DLGAP2: variants seen among roughly 807,000 people sequenced by gnomAD.
The protein encoded by DLGAP2 is disks large-associated protein 2.
DLGAP2 carries 26 observed loss-of-function variants against 100.3 expected under a neutral mutation model. The ratio of observed to expected loss-of-function variants is 0.26; its 90% CI spans 0.19 to 0.36. The LOEUF (loss-of-function observed/expected upper bound fraction) is 0.36, where lower values mean the gene tolerates loss of function less well. DLGAP2 is among the 10% of genes least tolerant of loss of function. The pLI, the probability that DLGAP2 is intolerant of heterozygous loss-of-function variation, is 1.00. For missense variants in DLGAP2, 1,858 were observed against 1,453.2 expected (o/e 1.28, Z -4.53); for synonymous variants, 886 against 630.1 (o/e 1.41, Z -6.08).
At chr8:1,054,658 A>G (rs977633506) in intron 2 of DLGAP2, among the ~76,000 whole-genome samples, 64 of 152,316 alleles carry the variant, frequency 4.2e-4, no homozygotes, top group African/African-American at 1.4e-3. Context: ...ATAACAATTG[A>G]CTGCTTAATT....
intron 2 of DLGAP2, among the ~76,000 whole-genome samples, chr8:1,187,661 C>T (rs1182908691): frequency 5.7e-5 from 8 of 141,250 alleles, no homozygotes; most frequent in African/African-American, 1.0e-4. Flanking sequence ...CTCACGTGCC[C>T]GGGACCTCTG....
At chr8:1,420,616 G>C (rs1166747117) in intron 3 of DLGAP2, among the ~76,000 whole-genome samples, 2 of 152,142 alleles carry the variant, frequency 1.3e-5, no homozygotes, top group East Asian at 3.9e-4. Context: ...CAAAGCCTGT[G>C]GGTCAAGGTT....
At chr8:1,377,327 G>A (rs185251223) in intron 3 of DLGAP2, among the ~76,000 whole-genome samples, 163 of 152,310 alleles carry the variant, frequency 1.1e-3, no homozygotes, top group Non-Finnish European at 1.2e-3. Context: ...GGCGAATCAC[G>A]AAGTCAGGAG....
chr8:1,656,023 G>T lies in DLGAP2; in HGVS notation c.1811-12306G>T, dbSNP rs2472094. 2.7e-4 allele frequency among the ~76,000 whole-genome samples: 41 copies of T among 152,336 alleles called. 1 individual carries two copies. The East Asian group carries it at 6.4e-3, about 24-fold the overall frequency. Reference sequence around the variant, plus strand: ...AGTGTAATGGTATTTTAGGTGTTCAGATATTTTAGAATATTGGAGGCCAGG... The same window carrying T: ...AGTGTAATGGTATTTTAGGTGTTCATATATTTTAGAATATTGGAGGCCAGG... On this transcript the variant is annotated intron_variant, in intron 8 of 14. Coordinates refer to ENST00000637795, the MANE Select transcript of DLGAP2 (RefSeq NM_001346810.2).
At chr8:1,070,328 C>T (rs550297221) in intron 2 of DLGAP2, among the ~76,000 whole-genome samples, 240 of 152,254 alleles carry the variant, frequency 1.6e-3, no homozygotes, top group African/African-American at 4.6e-3. Context: ...CCCTGTGTCC[C>T]GGGTGCCTGG....
chr8:1,317,620 A>C lies in DLGAP2; in HGVS notation c.106+58737A>C, dbSNP rs1178176347. Among the ~76,000 whole-genome samples, 99 of 130,830 alleles carry C rather than the reference A, an allele frequency of 7.6e-4. 3 individuals carry two copies. Among genetic ancestry groups the C allele is most frequent in the Middle Eastern group, 5.4e-3 (1 of 186 alleles). The allele number at this position is 130,830 out of a possible 152,430, so 85.8% of individuals were successfully genotyped here. ...GGCTGTGCGAGTGCAGCGTCTCTCC[A>C]ACAGTGGTCTACACTCGAGACACTC... On this transcript the variant is annotated intron_variant, in intron 3 of 14. Coordinates refer to ENST00000637795, the MANE Select transcript of DLGAP2 (RefSeq NM_001346810.2).
At chr8:1,098,193 C>T (rs886480021) in intron 2 of DLGAP2, among the ~76,000 whole-genome samples, 23 of 152,244 alleles carry the variant, frequency 1.5e-4, no homozygotes, top group African/African-American at 5.3e-4. Context: ...TGAGTCCCGG[C>T]GTCCTCTGCG....
At chr8:1,554,534 C>G (rs1222165963) in intron 5 of DLGAP2, among the ~76,000 whole-genome samples, 1 of 152,112 alleles carries the variant, frequency 6.6e-6, no homozygotes, top group East Asian at 1.9e-4. Flanking sequence ...TGGCCTCCAC[C>G]TTGACCTTTA....
At chr8:1,554,162 C>T (rs575837300) in intron 5 of DLGAP2, among the ~76,000 whole-genome samples, 11 of 152,282 alleles carry the variant, frequency 7.2e-5, no homozygotes, top group African/African-American at 2.4e-4. Flanking sequence ...GTGACAAGTG[C>T]CTGTAGCCCC....
chr8:1,007,636 G>GC (rs576394922), intron 2 of DLGAP2, among the ~76,000 whole-genome samples: 10,218 of 137,430 alleles, frequency 0.074, 650 homozygotes, highest in Admixed American at 0.17. Context: ...TTTTTTTTTT[G>GC]GGGGGGGGAT....
At chr8:1,379,452 T>C (rs10096116) in intron 3 of DLGAP2, 21,894 of 152,328 alleles carry the variant, frequency 0.14, 2,673 homozygotes, top group African/African-American at 0.31. Context: ...AGCCTCCGTC[T>C]GCCGAGGCCT....
intron 12 of DLGAP2, among the ~76,000 whole-genome samples, chr8:1,686,630 C>T (rs561630014): frequency 2.1e-4 from 32 of 151,792 alleles, no homozygotes; most frequent in African/African-American, 7.5e-4. Context: ...ACCAAGATCA[C>T]GCCACTGCAC....
At chr8:956,219 G>A (rs1027840148) in intron 2 of DLGAP2, among the ~76,000 whole-genome samples, 1 of 152,208 alleles carries the variant, frequency 6.6e-6, no homozygotes, top group African/African-American at 2.4e-5. Flanking sequence ...AGTGGTGGAT[G>A]TGATATTGGA....
At chr8:918,290 T>C (rs7465012) in intron 2 of DLGAP2, among the ~76,000 whole-genome samples, 11,109 of 152,302 alleles carry the variant, frequency 0.073, 530 homozygotes, top group Admixed American at 0.14. Flanking sequence ...ATGCCTCTGT[T>C]ATTTGGTTTC....
At chr8:1,222,937 G>A (rs1413132385) in intron 2 of DLGAP2, among the ~76,000 whole-genome samples, 1 of 152,178 alleles carries the variant, frequency 6.6e-6, no homozygotes. Context: ...AAAGCCTAAA[G>A]CCACCTAGAG....
At chr8:1,086,986 G>C (rs1803994309) in intron 2 of DLGAP2, among the ~76,000 whole-genome samples, 1 of 152,112 alleles carries the variant, frequency 6.6e-6, no homozygotes. Flanking sequence ...ACATTCCTCA[G>C]GGTAGATCAT....
intron 4 of DLGAP2, among the ~76,000 whole-genome samples, chr8:1,536,767 C>T (rs574085519): frequency 6.6e-6 from 1 of 152,338 alleles, no homozygotes; most frequent in African/African-American, 2.4e-5. Flanking sequence ...TGCCACTTCT[C>T]TCCCAAGTTT....
chr8:1,352,037 C>A (rs867407331), intron 3 of DLGAP2, among the ~76,000 whole-genome samples: 1 of 58,296 alleles, frequency 1.7e-5, no homozygotes, highest in Non-Finnish European at 3.6e-5. Flanking sequence ...TGTGGAAAGG[C>A]CGTGCGGGTC....
At chr8:1,104,624 C>T (rs1804695499) in intron 2 of DLGAP2, among the ~76,000 whole-genome samples, 1 of 152,178 alleles carries the variant, frequency 6.6e-6, no homozygotes, top group South Asian at 2.1e-4. Context: ...AATCCTTGGG[C>T]TGCTCCAGGA....
Sources: allele counts gnomAD v4.1 joint callset (sites outside exome capture counted in the v4.1 genomes callset), GRCh38; gene constraint gnomAD v4.1.1; transcripts MANE v1.5; gene names NCBI Gene and HGNC (gene_info 2026-07-23, HGNC 2026-07-21).